Variants in PLEKHH2 observed in about 807,000 individuals in gnomAD.
PLEKHH2 encodes pleckstrin homology domain-containing family H member 2.
Under a neutral mutation model 187.9 loss-of-function variants are expected in PLEKHH2, and 129 were observed. The observed-to-expected ratio is 0.69, with a 90% CI of 0.59 to 0.79. The LOEUF (loss-of-function observed/expected upper bound fraction) is 0.79. Among genes scored for constraint, PLEKHH2 ranks in the 30% least tolerant of loss-of-function variants. The pLI, the probability that PLEKHH2 is intolerant of heterozygous loss-of-function variation, is 0.00. For synonymous variants in PLEKHH2, 686 were observed against 605.6 expected (o/e 1.13, Z -1.95); for missense variants, 2,076 against 1,751.2 (o/e 1.19, Z -3.31).
Position 43,707,406 on chromosome 2 carries a change from G to A in PLEKHH2, c.1827G>A (p.Ala609=), listed in dbSNP as rs147571299. 6.2e-6 allele frequency: 10 copies of A among 1,613,806 alleles called. No homozygotes were observed. The African/African-American group carries it at 8.0e-5, about 13-fold the overall frequency. The change falls in exon 11 of 30, where the codon GCG becomes GCA. Residue 609 remains alanine (A), a synonymous_variant. Coordinates refer to ENST00000282406, the MANE Select transcript of PLEKHH2 (RefSeq NM_172069.4). ...GTTGTTCCACTTTTCTTTAGAAGGC[G>A]ACCCAAATAAGTAGCAGCCCTTTCC... ...TPVYTTLKGK[A]TQISSSPFLD... is the part of the protein sequence containing the mutation.
At position 43,697,208 on chromosome 2, in the gene PLEKHH2, A is replaced by AAAGCTTTC; in HGVS notation, c.541_548dup (p.Glu184SerfsTer8). ...AGAAGTCATCCACTGTCTCTACACT[A>AAAGCTTTC]AAGCTTTCGGAAGGCCAGCGCCTGA... is the stretch of plus-strand genomic sequence containing the variant. On this transcript the variant is annotated frameshift_variant, in exon 7 of 30. Transcript: ENST00000282406. LOFTEE classifies it high-confidence loss of function. The AAAGCTTTC allele has an allele frequency of 6.2e-7, 1 of 1,612,168 alleles. No homozygotes were observed. The highest frequency in any genetic ancestry group is 8.5e-7 in the Non-Finnish European group (1 of 1,179,236).
Position 43,766,520 on chromosome 2 carries a change from CT to C in PLEKHH2, c.*923del, listed in dbSNP as rs1672627122. 1 of 152,776 alleles carries C rather than the reference CT, an allele frequency of 6.5e-6. No homozygotes were observed. Among genetic ancestry groups the C allele is most frequent in the Non-Finnish European group, 1.5e-5 (1 of 68,436 alleles). 9.5% of individuals were successfully genotyped at this position (152,776 alleles called of 1,614,324 possible). ...TGTTGCCCAGGCTGGTCTTGAACTC[CT>C]GGCCTCAAGCAATCCTCTCTCCTCA... is the stretch of plus-strand genomic sequence containing the variant. On this transcript the variant is annotated 3_prime_UTR_variant, in exon 30 of 30. Coordinates refer to ENST00000282406, the MANE Select transcript of PLEKHH2 (RefSeq NM_172069.4).
intron 20 of PLEKHH2, among the ~76,000 whole-genome samples, chr2:43,739,605 G>C (rs1389183983): frequency 1.3e-5 from 2 of 152,220 alleles, no homozygotes; most frequent in East Asian, 3.8e-4. Flanking sequence ...TGTAAACACA[G>C]TTAATAAGCC....
chr2:43,700,684 G>A lies in PLEKHH2; in HGVS notation c.1650+76G>A, dbSNP rs183435620. The A allele has an allele frequency of 6.1e-5, 92 of 1,497,998 alleles. No homozygotes were observed. The African/African-American group carries it at 6.5e-4, about 11-fold the overall frequency. The allele number at this position is 1,497,998 out of a possible 1,614,324, so 92.8% of individuals were successfully genotyped here. A position where few individuals can be genotyped will look rare whatever the true frequency, so the allele number is the denominator to read the frequency against. On this transcript the variant is annotated intron_variant, in intron 8 of 29. Coordinates refer to ENST00000282406, the MANE Select transcript of PLEKHH2 (RefSeq NM_172069.4). ...CTTTTTTTTTCTGGGAGGGAGTCTC[G>A]CTCTGTCGCCCAAGCTGGAGTGCAG...
In PLEKHH2 at chr2:43,712,208, T is replaced by C; in HGVS notation, c.2302-17T>C. 1 of 1,608,792 alleles carries C rather than the reference T, an allele frequency of 6.2e-7. No individual in the cohort carries two copies. Among genetic ancestry groups the C allele is most frequent in the Non-Finnish European group, 8.5e-7 (1 of 1,175,182 alleles). On this transcript the variant is annotated splice_polypyrimidine_tract_variant and intron_variant, in intron 14 of 29. Coordinates refer to ENST00000282406, the MANE Select transcript of PLEKHH2 (RefSeq NM_172069.4). ...CTTCACAGTTTTCTTTCCTATACCT[T>C]TCTCGTTGCATTCTAGTTGACCACT...
chr2:43,737,905 A>G (rs527954207), intron 19 of PLEKHH2, among the ~76,000 whole-genome samples: 3 of 152,198 alleles, frequency 2.0e-5, no homozygotes, highest in South Asian at 2.1e-4. Context: ...CACACTTCAC[A>G]TGTTCAGGAA....
intron 5 of PLEKHH2, 53 bp from the exon 6 acceptor site, chr2:43,695,090 A>T: frequency 1.1e-6 from 1 of 938,146 alleles, no homozygotes; most frequent in Non-Finnish European, 1.5e-6. Context: ...ATTTATTAGT[A>T]CATTTTTATA....
intron 2 of PLEKHH2, among the ~76,000 whole-genome samples, chr2:43,677,384 C>T (rs532723600): frequency 2.0e-5 from 3 of 152,054 alleles, no homozygotes; most frequent in East Asian, 1.9e-4. Context: ...CTTGAGATTA[C>T]GGAGTGGTGA....
chr2:43,675,240 A>T, intron 2 of PLEKHH2: 1 of 518,414 alleles, frequency 1.9e-6, no homozygotes, highest in Non-Finnish European at 3.2e-6. Context: ...GAGATGTTTT[A>T]CATCTTCATA....
rs116473442 is a variant in PLEKHH2 at position 43,713,140 on chromosome 2, A to G, written c.2460+757A>G. ...CACGCATATATATCTCCTTTGATCCAGCAATCTCAGTTTTAAAAATTTATC... is the reference window on the plus strand; with the variant it reads ...CACGCATATATATCTCCTTTGATCCGGCAATCTCAGTTTTAAAAATTTATC... On this transcript the variant is annotated intron_variant, in intron 15 of 29. Transcript: ENST00000282406. 4.6e-3 allele frequency among the ~76,000 whole-genome samples: 683 copies of G among 149,658 alleles called. 5 individuals are homozygous for G. Among genetic ancestry groups the G allele is most frequent in the African/African-American group, 0.016 (645 of 41,052 alleles).
intron 20 of PLEKHH2, among the ~76,000 whole-genome samples, chr2:43,740,454 A>G (rs1671511215): frequency 6.6e-6 from 1 of 152,210 alleles, no homozygotes; most frequent in African/African-American, 2.4e-5. Context: ...TAAAAATCAC[A>G]TATATTGCTG....
intron 14 of PLEKHH2, 168 bp from the exon 15 acceptor site, chr2:43,712,057 G>A: frequency 2.3e-6 from 3 of 1,287,800 alleles, no homozygotes; most frequent in Non-Finnish European, 1.0e-6. Context: ...TCACAAAGTG[G>A]TTAAAATATT....
At chr2:43,757,930 T>C (rs529858657) in intron 26 of PLEKHH2, among the ~76,000 whole-genome samples, 338 of 152,318 alleles carry the variant, frequency 2.2e-3, no homozygotes, top group African/African-American at 7.6e-3. Context: ...TATTCTATTA[T>C]GAATAAGTTG....
chr2:43,723,259 G>C (rs544412377), intron 16 of PLEKHH2, among the ~76,000 whole-genome samples: 1 of 152,002 alleles, frequency 6.6e-6, no homozygotes, highest in Non-Finnish European at 1.5e-5. Context: ...AGGGTTTTTG[G>C]CAGGCCTGAG....
chr2:43,644,658 T>G lies in PLEKHH2; in HGVS notation c.-3-13T>G, dbSNP rs1208517048. On this transcript the variant is annotated splice_polypyrimidine_tract_variant and intron_variant, in intron 1 of 29. Transcript: ENST00000282406. The stretch of plus-strand genomic sequence containing the variant: ...ACTTTTTAATTTTTTGTTTATTTAT[T>G]TAATTTTTTTAGAATATGGCAGAGC... 55 of 1,502,740 alleles carry G rather than the reference T, an allele frequency of 3.7e-5. No individual in the cohort carries two copies. The highest frequency in any genetic ancestry group is 4.8e-5 in the Non-Finnish European group (54 of 1,122,252). 93.1% of individuals were successfully genotyped at this position (1,502,740 alleles called of 1,614,324 possible). A position where few individuals can be genotyped will look rare whatever the true frequency, so the allele number is the denominator to read the frequency against.
intron 2 of PLEKHH2, among the ~76,000 whole-genome samples, chr2:43,671,169 TAGAG>T (rs1667480514): frequency 3.9e-5 from 6 of 152,004 alleles, no homozygotes; most frequent in African/African-American, 1.5e-4. Context: ...GTATTTTTAG[TAGAG>T]ACCGGGTTTT....
At chr2:43,698,396 T>A (rs549749058) in intron 7 of PLEKHH2, among the ~76,000 whole-genome samples, 1 of 152,018 alleles carries the variant, frequency 6.6e-6, no homozygotes, top group African/African-American at 2.4e-5. Flanking sequence ...TATAGACACA[T>A]GCCACCATGC....
chr2:43,688,976 T>G (rs1168719953), intron 3 of PLEKHH2, among the ~76,000 whole-genome samples: 1 of 149,764 alleles, frequency 6.7e-6, no homozygotes, highest in Admixed American at 6.7e-5. Context: ...GAGGTCAAAC[T>G]GATAAATTTT....
chr2:43,752,352 C>T (rs1672043244), intron 24 of PLEKHH2, among the ~76,000 whole-genome samples: 1 of 151,952 alleles, frequency 6.6e-6, no homozygotes, highest in Admixed American at 6.6e-5. Flanking sequence ...TAAAATGGAG[C>T]TTAGGATTTT....
Sources: gnomAD v4.1 joint callset for allele counts (sites outside exome capture counted in the v4.1 genomes callset) on GRCh38, gnomAD v4.1.1 for gene constraint, MANE v1.5 for transcripts, NCBI Gene and HGNC (gene_info 2026-07-23, HGNC 2026-07-21) for gene names.